KIF11: variants seen among roughly 807,000 people sequenced by gnomAD.
The protein encoded by KIF11 is kinesin family member 11.
KIF11 carries 9 observed loss-of-function variants against 121.0 expected under a neutral mutation model. The observed-to-expected ratio is 0.07, with a 90% CI of 0.04 to 0.13. The LOEUF is 0.13. KIF11 is among the 10% of genes least tolerant of loss of function. The pLI is 1.00. For missense variants in KIF11, 846 were observed against 1,217.5 expected (o/e 0.69, Z 4.54); for synonymous variants, 408 against 421.0 (o/e 0.97, Z 0.38).
chr10:92,602,813 C>T (rs1223592179), intron 1 of KIF11, among the ~76,000 whole-genome samples: 2 of 114,202 alleles, frequency 1.8e-5, no homozygotes, highest in Non-Finnish European at 3.3e-5. Context: ...CTTAAACACA[C>T]ACACACACAC....
intron 6 of KIF11, among the ~76,000 whole-genome samples, chr10:92,612,582 G>C (rs1223583901): frequency 6.6e-6 from 1 of 152,212 alleles, no homozygotes; most frequent in Non-Finnish European, 1.5e-5. Flanking sequence ...CAGTCTCAAA[G>C]CAGAGAAGTG....
chr10:92,620,078 CTT>C (rs1270524883), intron 9 of KIF11, among the ~76,000 whole-genome samples: 3 of 125,456 alleles, frequency 2.4e-5, no homozygotes, highest in East Asian at 2.3e-4. Context: ...GGTTCTTTGT[CTT>C]TTTTTTTTTT....
At position 92,641,129 on chromosome 10, in the gene KIF11, T is replaced by C. The variant is rs141789636; in HGVS notation, c.2267+1229T>C. On this transcript the variant is annotated intron_variant, in intron 17 of 21. Transcript: ENST00000260731. ...AACATACACTACAGTCAGACCTATGTTTTCTTTTAGGAATTTTATAACTTT... is the reference window on the plus strand; with the variant it reads ...AACATACACTACAGTCAGACCTATGCTTTCTTTTAGGAATTTTATAACTTT... Among the ~76,000 whole-genome samples the C allele has an allele frequency of 2.0e-3, 311 of 152,320 alleles. 3 individuals carry two copies. Among genetic ancestry groups the C allele is most frequent in the African/African-American group, 7.2e-3 (298 of 41,572 alleles).
At chr10:92,603,263 C>CTTT (rs368046931) in intron 1 of KIF11, among the ~76,000 whole-genome samples, 39,710 of 108,756 alleles carry the variant, frequency 0.37, 7,985 homozygotes, top group East Asian at 0.72. Flanking sequence ...CTTTTCTTTT[C>CTTT]TTTTTTTTTT....
chr10:92,635,962 C>T (rs932863787), intron 14 of KIF11, among the ~76,000 whole-genome samples: 10 of 152,132 alleles, frequency 6.6e-5, no homozygotes, highest in South Asian at 2.1e-4. Flanking sequence ...TTCTGTTATA[C>T]TTCCTCAGCC....
intron 1 of KIF11, among the ~76,000 whole-genome samples, chr10:92,594,610 C>G (rs1388973326): frequency 6.6e-6 from 1 of 152,136 alleles, no homozygotes; most frequent in African/African-American, 2.4e-5. Flanking sequence ...CAAAATATTT[C>G]AGACTTACAA....
chr10:92,610,723 A>C (rs1427943424), intron 6 of KIF11, among the ~76,000 whole-genome samples: 1 of 152,182 alleles, frequency 6.6e-6, no homozygotes, highest in East Asian at 1.9e-4. Context: ...TAGAAGTCTT[A>C]TTTCTTTTCT....
chr10:92,602,860 TTTTG>T (rs1411311462), intron 1 of KIF11, among the ~76,000 whole-genome samples: 2 of 136,034 alleles, frequency 1.5e-5, no homozygotes, highest in Non-Finnish European at 3.1e-5. Context: ...GTGTGTGGTT[TTTTG>T]TTTGTTTTGA....
chr10:92,609,652 G>A, intron 6 of KIF11, 143 bp downstream of exon 6: 1 of 670,130 alleles, frequency 1.5e-6, no homozygotes, highest in South Asian at 2.5e-5. Context: ...TTGGTAATTG[G>A]CTTGAGATTT....
intron 19 of KIF11, among the ~76,000 whole-genome samples, chr10:92,649,118 CTCT>C (rs935997880): frequency 2.7e-4 from 38 of 142,946 alleles, no homozygotes; most frequent in African/African-American, 1.0e-3. Flanking sequence ...TATCACAAAA[CTCT>C]TTTTTTTTTT....
At chr10:92,637,122 G>T in intron 14 of KIF11, 62 bp from the exon 15 acceptor site, 1 of 1,275,474 alleles carries the variant, frequency 7.8e-7, no homozygotes, top group Non-Finnish European at 1.1e-6. Flanking sequence ...ATATCATTTA[G>T]AAAGGTTTAC....
At position 92,654,960 on chromosome 10, in the gene KIF11, G is replaced by A. The variant is rs1485017814; in HGVS notation, c.*1164G>A. 2.6e-5 allele frequency: 4 copies of A among 152,468 alleles called. No individual in the cohort carries two copies. Among genetic ancestry groups the A allele is most frequent in the Non-Finnish European group, 5.9e-5 (4 of 68,010 alleles). The allele number at this position is 152,468 out of a possible 1,614,324, so 9.4% of individuals were successfully genotyped here. The stretch of plus-strand genomic sequence containing the variant: ...TTATGTCTATAATTTATATTCTTTT[G>A]TTTACATGATGAAACTTTTTGTTGT... On this transcript the variant is annotated 3_prime_UTR_variant, in exon 22 of 22. Coordinates refer to ENST00000260731, the MANE Select transcript of KIF11 (RefSeq NM_004523.4).
intron 20 of KIF11, 86 bp from the exon 21 acceptor site, chr10:92,650,315 C>A: frequency 1.3e-6 from 1 of 750,396 alleles, no homozygotes; most frequent in South Asian, 1.5e-5. Context: ...ATACCATGGG[C>A]ATTGTGTTAT....
intron 9 of KIF11, 88 bp from the exon 10 acceptor site, chr10:92,621,297 C>A: frequency 1.5e-6 from 1 of 668,404 alleles, no homozygotes. Flanking sequence ...CATAAAAAGG[C>A]TAACTTTACA....
Position 92,593,344 on chromosome 10 carries a change from G to T in KIF11, c.-32G>T, listed in dbSNP as rs1281343041. The T allele has an allele frequency of 3.1e-6, 5 of 1,588,796 alleles. No individual in the cohort carries two copies. Among genetic ancestry groups the T allele is most frequent in the African/African-American group, 1.3e-5 (1 of 74,642 alleles). Reference sequence around the variant, plus strand: ...CGCCCCTCACAGCGCCCAGGTCCGCGGCCGGGCCTTGATTTTTTGGCGGGG... The same window carrying T: ...CGCCCCTCACAGCGCCCAGGTCCGCTGCCGGGCCTTGATTTTTTGGCGGGG... On this transcript the variant is annotated 5_prime_UTR_variant, in exon 1 of 22. Transcript: ENST00000260731.
At chr10:92,644,571 G>A (rs901282617) in intron 17 of KIF11, among the ~76,000 whole-genome samples, 4 of 151,822 alleles carry the variant, frequency 2.6e-5, no homozygotes, top group African/African-American at 9.7e-5. Flanking sequence ...CACCTGCCTC[G>A]GCCTCCCAAA....
chr10:92,621,175 A>G (rs1399333804), intron 9 of KIF11, among the ~76,000 whole-genome samples: 1 of 152,236 alleles, frequency 6.6e-6, no homozygotes, highest in Non-Finnish European at 1.5e-5. Flanking sequence ...CCATATTTCT[A>G]GAATGAGTGT....
intron 10 of KIF11, among the ~76,000 whole-genome samples, chr10:92,622,571 C>T (rs185430224): frequency 5.9e-5 from 9 of 152,044 alleles, no homozygotes; most frequent in South Asian, 2.1e-4. Context: ...GCTGAGATAG[C>T]AGCATTGCAC....
intron 14 of KIF11, among the ~76,000 whole-genome samples, chr10:92,634,112 T>C (rs1371568134): frequency 6.6e-6 from 1 of 151,906 alleles, no homozygotes; most frequent in African/African-American, 2.4e-5. Flanking sequence ...GCCTCCCGAG[T>C]AGCTGGGACT....
Sources: allele counts gnomAD v4.1 joint callset (sites outside exome capture counted in the v4.1 genomes callset), GRCh38; gene constraint gnomAD v4.1.1; transcripts MANE v1.5; gene names NCBI Gene and HGNC (gene_info 2026-07-23, HGNC 2026-07-21).